NTM: variants seen among roughly 807,000 people sequenced by gnomAD.
NTM encodes the protein neurotrimin.
In NTM, 13 loss-of-function variants were observed where a neutral mutation model predicts 42.1. That is an observed-to-expected ratio of 0.31 (90% CI 0.20 to 0.49). The LOEUF is 0.49. Among genes scored for constraint, NTM ranks in the 20% least tolerant of loss-of-function variants. The pLI is 0.99. For synonymous variants in NTM, 187 were observed against 179.2 expected, an observed-to-expected ratio of 1.04 and a Z score of -0.35; for missense variants, 373 against 452.8, an observed-to-expected ratio of 0.82 and a Z score of 1.60.
intron 2 of NTM, among the ~76,000 whole-genome samples, chr11:132,131,950 T>C (rs1372326150): frequency 1.3e-5 from 2 of 152,156 alleles, no homozygotes; most frequent in Non-Finnish European, 2.9e-5. Context: ...TAACTAGCTC[T>C]TCTACAGCCT....
chr11:131,487,733 TAAAG>T (rs1250125867), intron 1 of NTM, among the ~76,000 whole-genome samples: 2 of 151,036 alleles, frequency 1.3e-5, no homozygotes, highest in East Asian at 3.9e-4. Flanking sequence ...CCCCTAGGCT[TAAAG>T]AAAAAGGGGG....
At chr11:131,399,227 T>C (rs2135664318) in intron 1 of NTM, among the ~76,000 whole-genome samples, 1 of 152,304 alleles carries the variant, frequency 6.6e-6, no homozygotes, top group Non-Finnish European at 1.5e-5. Flanking sequence ...CTGGAGTCCA[T>C]GGGTCCATAG....
At chr11:131,677,259 G>A (rs1227428702) in intron 1 of NTM, among the ~76,000 whole-genome samples, 3 of 152,158 alleles carry the variant, frequency 2.0e-5, no homozygotes, top group Non-Finnish European at 4.4e-5. Context: ...TTGAGTTTGC[G>A]CAGATCACCC....
intron 4 of NTM, among the ~76,000 whole-genome samples, chr11:132,231,159 A>G (rs1032192800): frequency 5.9e-5 from 9 of 152,210 alleles, no homozygotes; most frequent in African/African-American, 2.2e-4. Context: ...TGTTTATAGC[A>G]CAGAGTAAAG....
At chr11:131,549,426 AT>A (rs2054356077) in intron 1 of NTM, among the ~76,000 whole-genome samples, 1 of 152,162 alleles carries the variant, frequency 6.6e-6, no homozygotes, top group African/African-American at 2.4e-5. Flanking sequence ...AAAATTAAAA[AT>A]TTTTTAGACA....
At chr11:131,443,406 C>T (rs1949780043) in intron 1 of NTM, among the ~76,000 whole-genome samples, 1 of 152,090 alleles carries the variant, frequency 6.6e-6, no homozygotes, top group Non-Finnish European at 1.5e-5. Flanking sequence ...GGTCATATTG[C>T]AGAAGAAAAT....
intron 4 of NTM, among the ~76,000 whole-genome samples, chr11:132,218,591 CCTGCCTATCTT>C (rs1360169340): frequency 6.6e-6 from 1 of 152,122 alleles, no homozygotes; most frequent in Non-Finnish European, 1.5e-5. Context: ...CTGCCAGCTG[CCTGCCTATCTT>C]CTGCTAGAGT....
At chr11:132,162,319 G>A (rs2074460579) in intron 3 of NTM, among the ~76,000 whole-genome samples, 1 of 151,618 alleles carries the variant, frequency 6.6e-6, no homozygotes, top group Admixed American at 6.6e-5. Flanking sequence ...TATGTGGGTG[G>A]AGTGTTGATG....
chr11:131,812,057 C>T (rs1382053510), intron 1 of NTM, among the ~76,000 whole-genome samples: 1 of 152,162 alleles, frequency 6.6e-6, no homozygotes, highest in Non-Finnish European at 1.5e-5. Flanking sequence ...CTAACAACCA[C>T]CCAGTGCGTG....
intron 1 of NTM, among the ~76,000 whole-genome samples, chr11:131,599,060 G>A (rs908085717): frequency 3.3e-5 from 5 of 151,714 alleles, no homozygotes; most frequent in East Asian, 3.9e-4. Context: ...GATTACAGGC[G>A]TGTGCCACCA....
intron 1 of NTM, among the ~76,000 whole-genome samples, chr11:131,464,993 AAC>A (rs1352896585): frequency 5.9e-5 from 9 of 152,314 alleles, no homozygotes; most frequent in African/African-American, 1.2e-4. Flanking sequence ...CACACATGTA[AAC>A]ACACACGTTT....
intron 1 of NTM, among the ~76,000 whole-genome samples, chr11:131,558,997 CAT>C (rs1259035483): frequency 2.0e-5 from 3 of 152,178 alleles, no homozygotes; most frequent in Non-Finnish European, 2.9e-5. Flanking sequence ...CAATAATAGA[CAT>C]ATGGGTTTAT....
intron 2 of NTM, among the ~76,000 whole-genome samples, chr11:132,069,167 G>C (rs1383653068): frequency 1.7e-4 from 26 of 151,022 alleles, no homozygotes; most frequent in African/African-American, 6.3e-4. Context: ...TCACAGGTTA[G>C]TTAACACGTC....
At chr11:131,942,103 A>G (rs1214818382) in intron 2 of NTM, among the ~76,000 whole-genome samples, 1 of 152,192 alleles carries the variant, frequency 6.6e-6, no homozygotes, top group Admixed American at 6.5e-5. Context: ...TTGTCATATC[A>G]CAGGAAGATG....
intron 2 of NTM, among the ~76,000 whole-genome samples, chr11:132,085,865 G>A (rs896035865): frequency 6.6e-6 from 1 of 152,166 alleles, no homozygotes. Context: ...ACAGCTGGAA[G>A]ACAAAACATA....
intron 1 of NTM, among the ~76,000 whole-genome samples, chr11:131,509,291 G>A (rs1193862493): frequency 6.6e-6 from 1 of 152,110 alleles, no homozygotes; most frequent in Admixed American, 6.5e-5. Context: ...TGGTTTTGGT[G>A]CCACTCTGCA....
At chr11:132,332,518 CAACA>C (rs999920808) in intron 8 of NTM, 4 of 152,162 alleles carry the variant, frequency 2.6e-5, no homozygotes, top group African/African-American at 7.2e-5. Context: ...TTTTCTAACA[CAACA>C]AACAGGTGAG....
At position 131,682,037 on chromosome 11, in the gene NTM, C is replaced by T. The variant is rs988568706; in HGVS notation, c.83-229527C>T. 3.9e-5 allele frequency among the ~76,000 whole-genome samples: 6 copies of T among 152,122 alleles called. 1 individual carries two copies. Among genetic ancestry groups the T allele is most frequent in the Admixed American group, 1.3e-4 (2 of 15,272 alleles). On this transcript the variant is annotated intron_variant, in intron 1 of 8. Coordinates refer to ENST00000683400, the MANE Select transcript of NTM (RefSeq NM_001352005.2). ...AGTGCTGTCTCTGGAAAAAGTACAC[C>T]GAGGACCCAGCCCCTAGGGCTGCAG...
intron 4 of NTM, among the ~76,000 whole-genome samples, chr11:132,279,163 TTCC>T (rs2093864949): frequency 6.6e-6 from 1 of 152,238 alleles, no homozygotes; most frequent in Non-Finnish European, 1.5e-5. Flanking sequence ...CTTCTTTTTA[TTCC>T]AGCTATCTTT....
Sources: allele counts gnomAD v4.1 joint callset (sites outside exome capture counted in the v4.1 genomes callset), GRCh38; gene constraint gnomAD v4.1.1; transcripts MANE v1.5; gene names NCBI Gene and HGNC (gene_info 2026-07-23, HGNC 2026-07-21).